Variants in TULP4 observed in about 807,000 individuals in gnomAD.
TULP4 encodes TUB like protein 4.
TULP4 carries 16 observed loss-of-function variants against 129.0 expected under a neutral mutation model. That is an observed-to-expected ratio of 0.12 (90% CI 0.08 to 0.19). The LOEUF (loss-of-function observed/expected upper bound fraction) is 0.19. TULP4 is among the 10% of genes least tolerant of loss of function. The pLI, the probability that TULP4 is intolerant of heterozygous loss-of-function variation, is 1.00. For synonymous variants in TULP4, 998 were observed against 854.0 expected (o/e 1.17, Z -2.94); for missense variants, 1,842 against 2,059.1 (o/e 0.89, Z 2.04).
chr6:158,385,353 C>CCTT (rs763737684), intron 1 of TULP4, among the ~76,000 whole-genome samples: 4 of 152,046 alleles, frequency 2.6e-5, no homozygotes, highest in Non-Finnish European at 5.9e-5. Flanking sequence ...AGCGTGGTGC[C>CCTT]CTTTAGTTAG....
At chr6:158,350,554 G>A (rs1035868185) in intron 1 of TULP4, among the ~76,000 whole-genome samples, 3 of 151,996 alleles carry the variant, frequency 2.0e-5, no homozygotes, top group Non-Finnish European at 2.9e-5. Flanking sequence ...GCAAAACCCC[G>A]TCTCCACCAA....
At chr6:158,370,524 C>T (rs1777048966) in intron 1 of TULP4, among the ~76,000 whole-genome samples, 1 of 147,782 alleles carries the variant, frequency 6.8e-6, no homozygotes, top group Non-Finnish European at 1.5e-5. Flanking sequence ...CAGAGCAAGC[C>T]TCTGTCTCAA....
intron 1 of TULP4, among the ~76,000 whole-genome samples, chr6:158,407,675 A>G (rs1387472351): frequency 6.6e-6 from 1 of 152,272 alleles, no homozygotes; most frequent in Non-Finnish European, 1.5e-5. Context: ...AAACACTGAT[A>G]CATGGTACAA....
intron 1 of TULP4, among the ~76,000 whole-genome samples, chr6:158,256,261 T>A (rs899657703): frequency 1.5e-5 from 2 of 132,056 alleles, no homozygotes; most frequent in Non-Finnish European, 3.5e-5. Flanking sequence ...CAGATTGTTT[T>A]CTTTTTTCTT....
intron 12 of TULP4, 34 bp downstream of exon 12, chr6:158,498,846 T>C (rs906174657): frequency 2.5e-6 from 4 of 1,610,846 alleles, no homozygotes; most frequent in Admixed American, 1.7e-5. Context: ...TTTGTCACGG[T>C]CCCTCTGTCA....
intron 1 of TULP4, among the ~76,000 whole-genome samples, chr6:158,237,062 G>A (rs1777725664): frequency 6.6e-6 from 1 of 151,848 alleles, no homozygotes; most frequent in Non-Finnish European, 1.5e-5. Context: ...GCCCACCTCA[G>A]CCTCCCAAAG....
intron 1 of TULP4, among the ~76,000 whole-genome samples, chr6:158,404,238 G>C (rs1200280486): frequency 2.0e-5 from 3 of 152,162 alleles, no homozygotes; most frequent in Admixed American, 6.5e-5. Flanking sequence ...AGCATCTCCT[G>C]TGGTGTTAAA....
At chr6:158,420,505 G>A (rs974118337) in intron 2 of TULP4, among the ~76,000 whole-genome samples, 3 of 152,104 alleles carry the variant, frequency 2.0e-5, no homozygotes, top group African/African-American at 4.8e-5. Context: ...TTTTCTGACC[G>A]AGTTTCATTC....
intron 1 of TULP4, among the ~76,000 whole-genome samples, chr6:158,363,062 CAAAAAAAAAA>C (rs11373437): frequency 6.8e-5 from 6 of 88,000 alleles, no homozygotes; most frequent in Non-Finnish European, 1.3e-4. Flanking sequence ...GACTCCATCT[CAAAAAAAAAA>C]AAAAAAAAAA....
At chr6:158,429,140 T>C (rs561348618) in intron 2 of TULP4, among the ~76,000 whole-genome samples, 2 of 152,198 alleles carry the variant, frequency 1.3e-5, no homozygotes, top group South Asian at 4.1e-4. Flanking sequence ...CTGCCACTGC[T>C]CCCGACTAAT....
chr6:158,419,507 T>C (rs1778289949), intron 2 of TULP4, among the ~76,000 whole-genome samples: 1 of 152,158 alleles, frequency 6.6e-6, no homozygotes, highest in African/African-American at 2.4e-5. Context: ...TAAATGTAAA[T>C]GGATTAAATT....
intron 1 of TULP4, among the ~76,000 whole-genome samples, chr6:158,408,516 C>A (rs1055204461): frequency 6.6e-6 from 1 of 152,116 alleles, no homozygotes; most frequent in Non-Finnish European, 1.5e-5. Flanking sequence ...TGCCTGGCCC[C>A]GGTCTGAGGT....
At chr6:158,376,947 C>T (rs1383136397) in intron 1 of TULP4, among the ~76,000 whole-genome samples, 3 of 152,200 alleles carry the variant, frequency 2.0e-5, no homozygotes, top group East Asian at 1.9e-4. Flanking sequence ...CTGCCTACCT[C>T]GAGGCTGTTT....
intron 1 of TULP4, among the ~76,000 whole-genome samples, chr6:158,316,701 A>C (rs1040982975): frequency 6.6e-6 from 1 of 152,136 alleles, no homozygotes; most frequent in Non-Finnish European, 1.5e-5. Flanking sequence ...GTAGTTCTGA[A>C]GCCCTGTTAT....
intron 1 of TULP4, among the ~76,000 whole-genome samples, chr6:158,351,745 G>T (rs1446997763): frequency 9.8e-6 from 1 of 101,682 alleles, no homozygotes; most frequent in Non-Finnish European, 1.8e-5. Flanking sequence ...TTGAGACAGA[G>T]TCTCACTCTG....
At chr6:158,435,062 T>C (rs341114) in intron 3 of TULP4, among the ~76,000 whole-genome samples, 6 of 152,142 alleles carry the variant, frequency 3.9e-5, no homozygotes, top group Admixed American at 3.9e-4. Context: ...TGTCCCTGTG[T>C]CATCTCTGAT....
chr6:158,449,943 A>G (rs747545685), intron 4 of TULP4, among the ~76,000 whole-genome samples: 12 of 152,200 alleles, frequency 7.9e-5, no homozygotes, highest in Non-Finnish European at 1.3e-4. Flanking sequence ...ATTTCGATAC[A>G]CATAATGTAT....
At chr6:158,495,448 C>T (rs1180933618) in intron 11 of TULP4, among the ~76,000 whole-genome samples, 2 of 152,166 alleles carry the variant, frequency 1.3e-5, no homozygotes, top group African/African-American at 4.8e-5. Context: ...TATCACAGCT[C>T]GTATAGATTT....
intron 1 of TULP4, among the ~76,000 whole-genome samples, chr6:158,263,906 T>C (rs1778396636): frequency 6.6e-6 from 1 of 151,376 alleles, no homozygotes; most frequent in Non-Finnish European, 1.5e-5. Flanking sequence ...CTACTAAAAA[T>C]ACAAAAATTA....
Sources: gnomAD v4.1 joint callset for allele counts (sites outside exome capture counted in the v4.1 genomes callset) on GRCh38, gnomAD v4.1.1 for gene constraint, MANE v1.5 for transcripts, NCBI Gene and HGNC (gene_info 2026-07-23, HGNC 2026-07-21) for gene names.